Variants in SLC7A7 observed in about 807,000 individuals in gnomAD.
SLC7A7 encodes solute carrier family 7 member 7.
A neutral mutation model predicts 47.9 loss-of-function variants in SLC7A7; 39 were observed. The ratio of observed to expected loss-of-function variants is 0.81; its 90% CI spans 0.63 to 1.06. The LOEUF is 1.06. Among genes scored for constraint, SLC7A7 ranks in the 50% least tolerant of loss-of-function variants. The pLI, the probability that SLC7A7 is intolerant of heterozygous loss-of-function variation, is 0.00. For synonymous variants in SLC7A7, 234 were observed against 242.8 expected (o/e 0.96, Z 0.34); for missense variants, 588 against 632.0 (o/e 0.93, Z 0.75).
At chr14:22,778,737 G>A (rs2038661044) in intron 4 of SLC7A7, 56 bp downstream of exon 4, 1 of 1,589,732 alleles carries the variant, frequency 6.3e-7, no homozygotes, top group African/African-American at 1.3e-5. Flanking sequence ...CACGTAGTAG[G>A]AGCTCATTAA....
At chr14:22,817,274 T>C (rs1415149609), upstream of SLC7A7, 2 of 268,680 alleles carry the variant, frequency 7.4e-6, no homozygotes, top group Non-Finnish European at 1.5e-5. Flanking sequence ...GCCTCCTGAG[T>C]AACTAGGATT....
chr14:22,791,298 T>C (rs529904164), intron 2 of SLC7A7, among the ~76,000 whole-genome samples: 8 of 152,324 alleles, frequency 5.3e-5, no homozygotes, highest in East Asian at 1.9e-4. Context: ...TCTGGTATCT[T>C]AGAATCTTAG....
Position 22,773,331 on chromosome 14 carries a change from T to G in SLC7A7, c.*279A>C, listed in dbSNP as rs1459719008. The G allele has an allele frequency of 3.7e-6, 2 of 547,466 alleles. No homozygotes were observed. The highest frequency in any genetic ancestry group is 4.4e-5 in the Admixed American group (2 of 45,152). The allele number at this position is 547,466 out of a possible 1,614,324, so 33.9% of individuals were successfully genotyped here. ...GGGCCCTTTTAAAAGAAAAGAGGAG[T>G]AGGTAGGCACACCCAGGTGCTTCTA... On this transcript the variant is annotated 3_prime_UTR_variant, in exon 10 of 10. Transcript: ENST00000674313.
At chr14:22,776,056 C>G in intron 5 of SLC7A7, 120 bp from the exon 6 acceptor site, 1 of 1,443,792 alleles carries the variant, frequency 6.9e-7, no homozygotes, top group Non-Finnish European at 9.8e-7. Context: ...GTGGGGTTAA[C>G]AGGACCTTCT....
chr14:22,813,399 G>T lies in SLC7A7; in HGVS notation c.-1C>A. 6.2e-7 allele frequency: 1 copy of T among 1,610,944 alleles called. No individual in the cohort carries two copies. Among genetic ancestry groups the T allele is most frequent in the Non-Finnish European group, 8.5e-7 (1 of 1,180,010 alleles). ...CTTCATACTCAGTGCTGTCAACCAT[G>T]GTGGAGGAGAGGAAACCCTTCACCA... On this transcript the variant is annotated 5_prime_UTR_variant, in exon 2 of 10. Coordinates refer to ENST00000674313, the MANE Select transcript of SLC7A7 (RefSeq NM_003982.4).
intron 2 of SLC7A7, among the ~76,000 whole-genome samples, chr14:22,792,814 C>T (rs1420221645): frequency 2.9e-5 from 4 of 139,536 alleles, no homozygotes; most frequent in Non-Finnish European, 4.6e-5. Context: ...GCCGAGATTG[C>T]ACCACTGCAC....
intron 2 of SLC7A7, among the ~76,000 whole-genome samples, chr14:22,784,342 GGGT>G (rs1451037299): frequency 1.3e-5 from 2 of 151,948 alleles, no homozygotes; most frequent in Non-Finnish European, 2.9e-5. Flanking sequence ...ACTCGTGGCC[GGGT>G]GCAGTGGCTC....
At chr14:22,790,371 A>G (rs1566450494) in intron 2 of SLC7A7, among the ~76,000 whole-genome samples, 1 of 149,924 alleles carries the variant, frequency 6.7e-6, no homozygotes. Flanking sequence ...CTGCAGGCAG[A>G]AAACTGGAAG....
At chr14:22,798,062 G>A (rs1234011875) in intron 2 of SLC7A7, among the ~76,000 whole-genome samples, 2 of 152,178 alleles carry the variant, frequency 1.3e-5, no homozygotes, top group Admixed American at 6.6e-5. Context: ...TTGAGAGGCC[G>A]AGGAAGGTAG....
intron 2 of SLC7A7, among the ~76,000 whole-genome samples, chr14:22,789,014 G>A (rs1024674036): frequency 6.6e-6 from 1 of 152,090 alleles, no homozygotes; most frequent in Admixed American, 6.5e-5. Flanking sequence ...TATTATATTT[G>A]AATAAAAAAA....
chr14:22,817,047 C>T (rs931909317), upstream of SLC7A7, among the ~76,000 whole-genome samples: 2 of 151,934 alleles, frequency 1.3e-5, no homozygotes, highest in African/African-American at 4.8e-5. Flanking sequence ...CTCCAGAGCT[C>T]ATATACTCTT....
At position 22,778,910 on chromosome 14, in the gene SLC7A7, A is replaced by G; in HGVS notation, c.653T>C (p.Phe218Ser). The G allele has an allele frequency of 1.2e-6, 2 of 1,614,156 alleles. No individual in the cohort carries two copies. Among genetic ancestry groups the G allele is most frequent in the South Asian group, 2.2e-5 (2 of 91,074 alleles). ...QGASTHFENS[F>S]EGSSFAVGDI... ...ACCCACTGCAAATGATGAACCCTCA[A>G]AGGAATTCTCAAAATGAGTAGAGGC... Residue 218 changes from phenylalanine (F) to serine (S), a missense_variant, in exon 4 of 10, where the codon TTT (phenylalanine) becomes TCT (serine). Phe to Ser is a radical substitution (Grantham distance 155). Transcript: ENST00000674313.
intron 1 of SLC7A7, among the ~76,000 whole-genome samples, chr14:22,813,944 C>T (rs1011212871): frequency 6.6e-6 from 1 of 151,982 alleles, no homozygotes; most frequent in South Asian, 2.1e-4. Context: ...GCATGCACCA[C>T]CACACCCAGC....
At chr14:22,802,270 A>G (rs2039128527) in intron 2 of SLC7A7, among the ~76,000 whole-genome samples, 1 of 151,898 alleles carries the variant, frequency 6.6e-6, no homozygotes, top group Non-Finnish European at 1.5e-5. Flanking sequence ...GGGCGGGGTG[A>G]CATGCACCTG....
chr14:22,781,854 T>G (rs186042171), intron 2 of SLC7A7, among the ~76,000 whole-genome samples: 1 of 151,958 alleles, frequency 6.6e-6, no homozygotes, highest in Non-Finnish European at 1.5e-5. Flanking sequence ...GTCAGGAAAA[T>G]GGGATCCCCA....
rs1411659383 is a variant in SLC7A7, at chr14:22,815,415, T to C, written c.-138A>G. The C allele has an allele frequency of 2.2e-6, 1 of 454,298 alleles. No homozygotes were observed. Among genetic ancestry groups the C allele is most frequent in the Non-Finnish European group, 4.4e-6 (1 of 226,752 alleles). 28.1% of individuals were successfully genotyped at this position (454,298 alleles called of 1,614,324 possible). A position where few individuals can be genotyped will look rare whatever the true frequency, so the allele number is the denominator to read the frequency against. ...GGATCTGTGGTCTGATGCTCCTCCT[T>C]CCCAGCCAGCAGTAAAAGGGAAGGC... On this transcript the variant is annotated 5_prime_UTR_variant, in exon 1 of 10. Coordinates refer to ENST00000674313, the MANE Select transcript of SLC7A7 (RefSeq NM_003982.4).
intron 1 of SLC7A7, 117 bp downstream of exon 1, chr14:22,815,203 G>T (rs1427734956): frequency 2.7e-6 from 1 of 369,672 alleles, no homozygotes; most frequent in African/African-American, 2.1e-5. Context: ...GTCAAGCAAT[G>T]GAGAGATGTT....
At chr14:22,778,962 C>T (rs755642951) in intron 3 of SLC7A7, 25 bp from the exon 4 acceptor site, 1 of 1,613,052 alleles carries the variant, frequency 6.2e-7, no homozygotes, top group South Asian at 1.1e-5. Context: ...CATTGGAAGG[C>T]AGGGGATTAG....
chr14:22,792,957 C>T (rs1171914218), intron 2 of SLC7A7, among the ~76,000 whole-genome samples: 1 of 150,566 alleles, frequency 6.6e-6, no homozygotes, highest in African/African-American at 2.4e-5. Flanking sequence ...CGCTCTGTCG[C>T]CCAGGCTGGA....
Sources: allele counts gnomAD v4.1 joint callset (sites outside exome capture counted in the v4.1 genomes callset), GRCh38; gene constraint gnomAD v4.1.1; transcripts MANE v1.5; gene names NCBI Gene and HGNC (gene_info 2026-07-23, HGNC 2026-07-21).